MAP3K9: variants seen among roughly 807,000 people sequenced by gnomAD.
The protein encoded by MAP3K9 is mixed lineage kinase 1 (tyr and ser/thr specificity).
MAP3K9 carries 46 observed loss-of-function variants against 95.8 expected under a neutral mutation model. The ratio of observed to expected loss-of-function variants is 0.48; its 90% CI spans 0.38 to 0.61. MAP3K9 has a LOEUF of 0.61. Among genes scored for constraint, MAP3K9 ranks in the 20% least tolerant of loss-of-function variants. The pLI is 0.00. For missense variants in MAP3K9, 1,296 were observed against 1,474.3 expected, an observed-to-expected ratio of 0.88 and a Z score of 1.98; for synonymous variants, 533 against 593.8, an observed-to-expected ratio of 0.90 and a Z score of 1.49.
intron 2 of MAP3K9, among the ~76,000 whole-genome samples, chr14:70,791,961 A>G (rs1443176142): frequency 6.6e-6 from 1 of 152,220 alleles, no homozygotes; most frequent in African/African-American, 2.4e-5. Flanking sequence ...GACAAAAGGG[A>G]AAGGCAAGGT....
chr14:70,801,530 G>A (rs981729901), intron 1 of MAP3K9, among the ~76,000 whole-genome samples: 1 of 152,194 alleles, frequency 6.6e-6, no homozygotes, highest in Non-Finnish European at 1.5e-5. Flanking sequence ...GGGATTACAG[G>A]CATGAGCCAC....
chr14:70,784,634 T>A (rs910196002), intron 2 of MAP3K9, among the ~76,000 whole-genome samples: 2 of 151,984 alleles, frequency 1.3e-5, no homozygotes, highest in Admixed American at 6.6e-5. Context: ...TCCCAGCTAC[T>A]CAGGAGGCTG....
intron 2 of MAP3K9, among the ~76,000 whole-genome samples, chr14:70,768,016 C>T (rs933685934): frequency 6.6e-6 from 1 of 152,062 alleles, no homozygotes; most frequent in Non-Finnish European, 1.5e-5. Context: ...CCTATATATA[C>T]CACTTAATAT....
intron 2 of MAP3K9, among the ~76,000 whole-genome samples, chr14:70,768,715 G>C (rs1265260216): frequency 6.6e-6 from 1 of 152,180 alleles, no homozygotes; most frequent in African/African-American, 2.4e-5. Flanking sequence ...GCTGAGGCCA[G>C]GCTCTCAAAA....
intron 2 of MAP3K9, among the ~76,000 whole-genome samples, chr14:70,764,531 TA>T (rs918299925): frequency 1.6e-3 from 231 of 144,960 alleles, no homozygotes; most frequent in Non-Finnish European, 1.5e-3. Context: ...CCAGGCTCTT[TA>T]AAAAAAAAAA....
Position 70,725,762 on chromosome 14 carries a change from T to C in MAP3K9, c.*4618A>G, listed in dbSNP as rs117688779. 1.3e-5 allele frequency: 2 copies of C among 151,996 alleles called. No individual in the cohort carries two copies. The highest frequency in any genetic ancestry group is 4.8e-5 in the African/African-American group (2 of 41,424). The allele number at this position is 151,996 out of a possible 1,614,324, so 9.4% of individuals were successfully genotyped here. On this transcript the variant is annotated 3_prime_UTR_variant, in exon 12 of 12. Coordinates refer to ENST00000554752, the MANE Select transcript of MAP3K9 (RefSeq NM_001284230.2). ...ACCTAAAGCCAAAGAGAGAGGCAGG[T>C]ACATTAGGGTGAACCATATGAAATA... is the stretch of plus-strand genomic sequence containing the variant.
intron 2 of MAP3K9, among the ~76,000 whole-genome samples, chr14:70,766,876 T>C (rs1318918771): frequency 6.6e-6 from 1 of 152,208 alleles, no homozygotes; most frequent in Non-Finnish European, 1.5e-5. Flanking sequence ...TGCACTTCTT[T>C]TTCCTGAATT....
intron 2 of MAP3K9, among the ~76,000 whole-genome samples, chr14:70,774,779 G>A (rs538425492): frequency 2.6e-5 from 4 of 152,100 alleles, no homozygotes; most frequent in African/African-American, 9.6e-5. Flanking sequence ...GAGGTCAAGA[G>A]ATCAAGACCA....
At chr14:70,789,183 C>T (rs1032037524) in intron 2 of MAP3K9, among the ~76,000 whole-genome samples, 5 of 152,144 alleles carry the variant, frequency 3.3e-5, no homozygotes, top group African/African-American at 1.2e-4. Flanking sequence ...GGGTTCAAGA[C>T]GCACGGGCCG....
chr14:70,738,312 T>A lies in MAP3K9; in HGVS notation c.1777A>T (p.Lys593Ter). 4 of 1,614,048 alleles carry A rather than the reference T, an allele frequency of 2.5e-6. No homozygotes were observed. The highest frequency in any genetic ancestry group is 3.4e-6 in the Non-Finnish European group (4 of 1,179,978). The stretch of plus-strand genomic sequence containing the variant: ...GGCCCCCACGTCCGTCCCTTCTTCT[T>A]TGGGGCCCTCTTCTCCTCCTCCTCC... ...EGEEEEKRAPKKKGRTWGPGT... is the reference protein window; with the variant it reads ...EGEEEEKRAP The change falls in exon 8 of 12, where the codon AAG becomes TAG. Residue 593 changes from lysine (K) to a stop codon, truncating the protein, a stop_gained. Coordinates refer to ENST00000554752, the MANE Select transcript of MAP3K9 (RefSeq NM_001284230.2). LOFTEE classifies it high-confidence loss of function.
chr14:70,772,695 T>C (rs1413385290), intron 2 of MAP3K9, among the ~76,000 whole-genome samples: 1 of 152,238 alleles, frequency 6.6e-6, no homozygotes, highest in Non-Finnish European at 1.5e-5. Context: ...ATGCTATTTG[T>C]ACTTTTAGTG....
intron 3 of MAP3K9, among the ~76,000 whole-genome samples, chr14:70,750,608 C>T (rs1012390816): frequency 6.6e-6 from 1 of 152,126 alleles, no homozygotes; most frequent in Non-Finnish European, 1.5e-5. Flanking sequence ...CCTCCACCTG[C>T]CGAGTAGCTG....
intron 10 of MAP3K9, chr14:70,733,755 A>T (rs2053946418): frequency 4.2e-6 from 3 of 718,370 alleles, no homozygotes; most frequent in Non-Finnish European, 7.8e-6. Flanking sequence ...AGGAAGACCC[A>T]CCTTCAATGT....
chr14:70,796,300 C>T (rs897128752), intron 2 of MAP3K9, among the ~76,000 whole-genome samples: 7 of 152,222 alleles, frequency 4.6e-5, no homozygotes, highest in Non-Finnish European at 7.4e-5. Flanking sequence ...AGTTTTAGGG[C>T]GTGATGCTTA....
chr14:70,768,210 A>C (rs909721447), intron 2 of MAP3K9, among the ~76,000 whole-genome samples: 9 of 152,182 alleles, frequency 5.9e-5, no homozygotes, highest in Non-Finnish European at 1.0e-4. Flanking sequence ...CCCATTTTCC[A>C]TGATGTGATT....
At chr14:70,783,576 T>C (rs1160922280) in intron 2 of MAP3K9, 7 of 169,374 alleles carry the variant, frequency 4.1e-5, no homozygotes, top group Non-Finnish European at 3.6e-5. Flanking sequence ...GCTTCACTCA[T>C]TGATAGTCCA....
chr14:70,796,478 C>T (rs2054865495), intron 2 of MAP3K9, among the ~76,000 whole-genome samples: 2 of 152,142 alleles, frequency 1.3e-5, no homozygotes, highest in Admixed American at 6.5e-5. Flanking sequence ...GGTAAGACTG[C>T]TAGCTGCCAA....
intron 2 of MAP3K9, among the ~76,000 whole-genome samples, chr14:70,791,082 T>C (rs942961592): frequency 1.3e-5 from 2 of 152,116 alleles, no homozygotes; most frequent in African/African-American, 4.8e-5. Flanking sequence ...GGGAGGGATG[T>C]GGGGAAGGGA....
At chr14:70,795,690 GTTTT>G (rs2054856538) in intron 2 of MAP3K9, among the ~76,000 whole-genome samples, 1 of 151,868 alleles carries the variant, frequency 6.6e-6, no homozygotes, top group African/African-American at 2.4e-5. Flanking sequence ...CACTTTCAAT[GTTTT>G]TACTTTCCAA....
Sources: allele counts gnomAD v4.1 joint callset (sites outside exome capture counted in the v4.1 genomes callset), GRCh38; gene constraint gnomAD v4.1.1; transcripts MANE v1.5; gene names NCBI Gene and HGNC (gene_info 2026-07-23, HGNC 2026-07-21).